CSK: variants seen among roughly 807,000 people sequenced by gnomAD.
CSK encodes the protein tyrosine-protein kinase CSK.
CSK carries 7 observed loss-of-function variants against 62.3 expected under a neutral mutation model. The ratio of observed to expected loss-of-function variants is 0.11; its 90% CI spans 0.06 to 0.21. CSK has a LOEUF of 0.21. Among genes scored for constraint, CSK ranks in the 10% least tolerant of loss-of-function variants. The pLI, the probability that CSK is intolerant of heterozygous loss-of-function variation, is 1.00. For missense variants in CSK, 294 were observed against 613.5 expected (o/e 0.48, Z 5.50); for synonymous variants, 237 against 246.0 (o/e 0.96, Z 0.34).
Position 74,784,197 on chromosome 15 carries a change from C to T in CSK, c.-66+1477C>T, listed in dbSNP as rs573773499. Among the ~76,000 whole-genome samples the T allele has an allele frequency of 3.6e-3, 545 of 152,236 alleles. 5 individuals carry two copies. The highest frequency in any genetic ancestry group is 0.013 in the African/African-American group (526 of 41,530). On this transcript the variant is annotated intron_variant, in intron 1 of 12. Transcript: ENST00000220003. ...TTTTGTCCTGCTGGGTCCCTGCTCA[C>T]GATTTAGGGTTTTTTTGTTTTTTCA...
Position 74,798,985 on chromosome 15 carries a change from C to A in CSK, c.242+47C>A. 2 of 1,444,980 alleles carry A rather than the reference C, an allele frequency of 1.4e-6. No homozygotes were observed. The highest frequency in any genetic ancestry group is 2.4e-5 in the East Asian group (1 of 42,428). 89.5% of individuals were successfully genotyped at this position (1,444,980 alleles called of 1,614,324 possible). ...TGGGGAGGGAAGGGGCCTTGGTCCT[C>A]CTGAAGGAGCATCAGGAGCAAGCAG... On this transcript the variant is annotated intron_variant, in intron 4 of 12. Coordinates refer to ENST00000220003, the MANE Select transcript of CSK (RefSeq NM_004383.3). This position sits in a 1 kb window ranked among gnomAD's most constrained non-coding sequence, Gnocchi z 6.6.
chr15:74,800,028 C>T (rs1009114507), intron 5 of CSK, among the ~76,000 whole-genome samples: 3 of 152,204 alleles, frequency 2.0e-5, no homozygotes, highest in Non-Finnish European at 4.4e-5. Flanking sequence ...TCCCGTGTCC[C>T]TCTGTATTCA....
rs2063781319 is a variant in CSK at position 74,800,924 on chromosome 15, T to G, written c.722+2T>G. ...CCTGGCTGAAGCCTCAGTCATGACG[T>G]GAGTGGGGGCGGGGTAGGGGGGAGG... On this transcript the variant is annotated splice_donor_variant, in intron 8 of 12. Transcript: ENST00000220003. LOFTEE classifies it high-confidence loss of function. 6.2e-7 allele frequency: 1 copy of G among 1,612,614 alleles called. No individual in the cohort carries two copies. Among genetic ancestry groups the G allele is most frequent in the Non-Finnish European group, 8.5e-7 (1 of 1,179,946 alleles).
chr15:74,799,511 GCCTTGCTCC>G lies in CSK; in HGVS notation c.462+22_462+30del. 2 of 1,606,452 alleles carry G rather than the reference GCCTTGCTCC, an allele frequency of 1.2e-6. No individual in the cohort carries two copies. The highest frequency in any genetic ancestry group is 1.7e-6 in the Non-Finnish European group (2 of 1,176,542). On this transcript the variant is annotated intron_variant, in intron 5 of 12. Coordinates refer to ENST00000220003, the MANE Select transcript of CSK (RefSeq NM_004383.3). Reference sequence around the variant, plus strand: ...GTGGAGGTGAGCTGGGGGGTACAGAGCCTTGCTCCCACCCTCACACACCCTAAACCCATC... The same window carrying G: ...GTGGAGGTGAGCTGGGGGGTACAGAGCACCCTCACACACCCTAAACCCATC...
chr15:74,802,169 C>A, intron 12 of CSK, 86 bp downstream of exon 12: 1 of 1,463,258 alleles, frequency 6.8e-7, no homozygotes, highest in Non-Finnish European at 9.4e-7. Context: ...CCTGCCTCCC[C>A]AATCAAGGCC....
intron 1 of CSK, among the ~76,000 whole-genome samples, chr15:74,791,706 C>G (rs1017455825): frequency 6.6e-6 from 1 of 152,000 alleles, no homozygotes; most frequent in African/African-American, 2.4e-5. Flanking sequence ...TTGTTTTGCT[C>G]TTTTATGACA....
intron 1 of CSK, among the ~76,000 whole-genome samples, chr15:74,790,121 C>G (rs2063595543): frequency 1.3e-5 from 2 of 152,232 alleles, no homozygotes; most frequent in Admixed American, 1.3e-4. Context: ...CAGTGGCTGT[C>G]CCCATCCCCC....
At position 74,800,959 on chromosome 15, in the gene CSK, G is replaced by A. The variant is rs768685684; in HGVS notation, c.722+37G>A. On this transcript the variant is annotated intron_variant, in intron 8 of 12. Transcript: ENST00000220003. ...CGGGGTAGGGGGGAGGTTGGCCTAG[G>A]TTAGGAGTGAGGCACCAGCTTCCCC... 4.4e-5 allele frequency: 71 copies of A among 1,612,782 alleles called. 1 individual carries two copies. In the Middle Eastern group the frequency reaches 4.9e-4, roughly 11 times the overall value.
chr15:74,802,483 G>A lies in CSK; in HGVS notation c.1323G>A (p.Glu441=), dbSNP rs1476236331. The A allele has an allele frequency of 1.2e-6, 2 of 1,613,014 alleles. No individual in the cohort carries two copies. The highest frequency in any genetic ancestry group is 1.7e-6 in the Non-Finnish European group (2 of 1,179,856). ...PSFLQLREQL[E]HIKTHELHL The stretch of plus-strand genomic sequence containing the variant: ...TCCTACAGCTCCGAGAGCAGCTTGA[G>A]CACATCAAAACCCACGAGCTGCACC... The change falls in exon 13 of 13, where the codon GAG becomes GAA. Residue 441 remains glutamate (E), a synonymous_variant. Coordinates refer to ENST00000220003, the MANE Select transcript of CSK (RefSeq NM_004383.3).
chr15:74,789,204 G>C (rs574669913), intron 1 of CSK, among the ~76,000 whole-genome samples: 1 of 152,354 alleles, frequency 6.6e-6, no homozygotes, highest in South Asian at 2.1e-4. Flanking sequence ...GGGTGCTGAC[G>C]GGAGCCCCGG....
At chr15:74,792,011 A>G (rs775899052) in intron 1 of CSK, among the ~76,000 whole-genome samples, 1 of 152,000 alleles carries the variant, frequency 6.6e-6, no homozygotes, top group Non-Finnish European at 1.5e-5. Flanking sequence ...TTTTTCTTCA[A>G]TGACTTGAGC....
chr15:74,796,967 G>T (rs1324222905), intron 1 of CSK, among the ~76,000 whole-genome samples: 1 of 151,988 alleles, frequency 6.6e-6, no homozygotes, highest in Non-Finnish European at 1.5e-5. Context: ...TAGAGGCAGG[G>T]TCTCACTCTG....
chr15:74,789,537 C>A (rs1567215334), intron 1 of CSK, among the ~76,000 whole-genome samples: 1 of 152,234 alleles, frequency 6.6e-6, no homozygotes, highest in Non-Finnish European at 1.5e-5. Context: ...CCCCGCCCTC[C>A]TCAGGTGCAC....
intron 1 of CSK, among the ~76,000 whole-genome samples, chr15:74,793,879 A>G (rs1467043080): frequency 6.6e-6 from 1 of 151,512 alleles, no homozygotes; most frequent in Non-Finnish European, 1.5e-5. Context: ...AGGAAGGGGG[A>G]GGCATGGGGA....
At chr15:74,783,808 A>C (rs2063475308) in intron 1 of CSK, among the ~76,000 whole-genome samples, 1 of 152,188 alleles carries the variant, frequency 6.6e-6, no homozygotes, top group South Asian at 2.1e-4. Context: ...CTCTGAGTTG[A>C]AACAACCTGG....
At chr15:74,793,840 G>T (rs932796028) in intron 1 of CSK, among the ~76,000 whole-genome samples, 5 of 151,960 alleles carry the variant, frequency 3.3e-5, no homozygotes, top group African/African-American at 1.2e-4. Context: ...CAGCCTCCGC[G>T]CCCCCCTGTG....
At chr15:74,787,870 G>A (rs971569349) in intron 1 of CSK, among the ~76,000 whole-genome samples, 3 of 152,224 alleles carry the variant, frequency 2.0e-5, no homozygotes, top group African/African-American at 2.4e-5. Flanking sequence ...GCAGACTCGC[G>A]CATCTATCTA....
At chr15:74,790,430 C>G (rs2063601816) in intron 1 of CSK, among the ~76,000 whole-genome samples, 1 of 152,062 alleles carries the variant, frequency 6.6e-6, no homozygotes, top group African/African-American at 2.4e-5. Flanking sequence ...TCTCCCCACT[C>G]CTTGTCAGCC....
intron 1 of CSK, chr15:74,792,970 A>G (rs1596369653): frequency 2.0e-5 from 3 of 152,322 alleles, no homozygotes; most frequent in Middle Eastern, 3.4e-3. Context: ...CTATAGTCCC[A>G]TTGGTTATGG....
Sources: allele counts gnomAD v4.1 joint callset (sites outside exome capture counted in the v4.1 genomes callset), GRCh38; gene constraint gnomAD v4.1.1; non-coding constraint Gnocchi (gnomAD v3.1); transcripts MANE v1.5; gene names NCBI Gene and HGNC (gene_info 2026-07-23, HGNC 2026-07-21).